ZFHX3: variants seen among roughly 807,000 people sequenced by gnomAD.
The protein encoded by ZFHX3 is zinc finger homeobox 3, also known as zinc finger homeobox protein 3.
ZFHX3 carries 42 observed loss-of-function variants against 279.1 expected under a neutral mutation model. The ratio of observed to expected loss-of-function variants is 0.15; its 90% CI spans 0.12 to 0.19. The LOEUF (loss-of-function observed/expected upper bound fraction) is 0.19, where lower values mean the gene tolerates loss of function less well. Among genes scored for constraint, ZFHX3 ranks in the 10% least tolerant of loss-of-function variants. ZFHX3 has a pLI of 1.00. For synonymous variants in ZFHX3, 2,293 were observed against 1,957.8 expected, an observed-to-expected ratio of 1.17 and a Z score of -4.52; for missense variants, 4,981 against 4,754.0, an observed-to-expected ratio of 1.05 and a Z score of -1.40.
chr16:73,147,499 T>G (rs1357163678), intron 5 of ZFHX3, among the ~76,000 whole-genome samples: 3 of 148,418 alleles, frequency 2.0e-5, no homozygotes, highest in Non-Finnish European at 3.0e-5. Flanking sequence ...GAGACCATCC[T>G]GGCTAACACG....
chr16:72,926,964 G>A (rs1028231203), intron 3 of ZFHX3, among the ~76,000 whole-genome samples: 1 of 152,208 alleles, frequency 6.6e-6, no homozygotes, highest in African/African-American at 2.4e-5. Flanking sequence ...CCAATCAAGA[G>A]GTCAGGAGAC....
rs114944345 is a variant in ZFHX3, at chr16:73,404,697, C to T, written c.-1291+51306G>A. On this transcript the variant is annotated intron_variant, in intron 3 of 17. Coordinates refer to the ZFHX3 transcript ENST00000641206. ...AAAAGGCAAGTACTATTATTATCCC[C>T]GTTTTACGCATAAGGACACCAAGTC... 2.5e-3 allele frequency among the ~76,000 whole-genome samples: 384 copies of T among 152,210 alleles called. 1 individual carries two copies. The highest frequency in any genetic ancestry group is 8.7e-3 in the African/African-American group (363 of 41,516).
In ZFHX3 at chr16:73,623,039, A is replaced by AT. The variant is rs11341882; in HGVS notation, c.-1547+57140dup. On this transcript the variant is annotated intron_variant, in intron 2 of 17. Coordinates refer to the ZFHX3 transcript ENST00000641206. ...TGTAAAATTCAGAAGGGCACATTGT[A>AT]TTTTTTTTTTTTGTTTAGACAGAGT... Among the ~76,000 whole-genome samples the AT allele has an allele frequency of 1.8e-3, 265 of 149,098 alleles. 1 individual carries two copies. The highest frequency in any genetic ancestry group is 8.3e-3 in the South Asian group (39 of 4,672).
chr16:73,278,462 C>A (rs1357018760), intron 4 of ZFHX3, among the ~76,000 whole-genome samples: 1 of 152,156 alleles, frequency 6.6e-6, no homozygotes. Flanking sequence ...CAGGGACCAT[C>A]AAGGTGAGTG....
chr16:73,503,797 T>A (rs957307422), intron 2 of ZFHX3, among the ~76,000 whole-genome samples: 3 of 152,212 alleles, frequency 2.0e-5, no homozygotes, highest in African/African-American at 7.2e-5. Flanking sequence ...TGTCAATGGA[T>A]TCACAATTGG....
chr16:73,592,561 C>T (rs1317429404), intron 2 of ZFHX3, among the ~76,000 whole-genome samples: 2 of 152,002 alleles, frequency 1.3e-5, no homozygotes, highest in Non-Finnish European at 2.9e-5. Flanking sequence ...AAGCAAATGG[C>T]ATGCTGGCTG....
At chr16:72,856,878 A>G (rs2037766666) in intron 4 of ZFHX3, among the ~76,000 whole-genome samples, 2 of 152,172 alleles carry the variant, frequency 1.3e-5, no homozygotes, top group Non-Finnish European at 2.9e-5. Flanking sequence ...ACAGACAGGA[A>G]GATTGATCAG....
intron 5 of ZFHX3, among the ~76,000 whole-genome samples, chr16:73,227,533 G>C (rs2012633438): frequency 6.6e-6 from 1 of 152,042 alleles, no homozygotes; most frequent in Non-Finnish European, 1.5e-5. Flanking sequence ...GGATTACAGA[G>C]AGGTAGGCTT....
intron 2 of ZFHX3, among the ~76,000 whole-genome samples, chr16:73,490,023 T>C (rs1285053648): frequency 1.3e-5 from 2 of 152,246 alleles, no homozygotes; most frequent in Non-Finnish European, 2.9e-5. Flanking sequence ...GTGCCATTTA[T>C]ATAATTGTTA....
intron 2 of ZFHX3, among the ~76,000 whole-genome samples, chr16:73,517,584 G>C (rs1240016274): frequency 1.3e-5 from 2 of 152,210 alleles, no homozygotes; most frequent in Non-Finnish European, 2.9e-5. Flanking sequence ...GAGCAGCAAA[G>C]AGTGAAACCA....
intron 1 of ZFHX3, among the ~76,000 whole-genome samples, chr16:73,862,284 C>T (rs1418078706): frequency 6.6e-6 from 1 of 152,194 alleles, no homozygotes; most frequent in African/African-American, 2.4e-5. Flanking sequence ...CTACCATATC[C>T]TTTAATAAGT....
intron 1 of ZFHX3, among the ~76,000 whole-genome samples, chr16:73,831,597 C>T (rs2142358467): frequency 6.6e-6 from 1 of 152,300 alleles, no homozygotes; most frequent in East Asian, 1.9e-4. Flanking sequence ...CATTCCTTGG[C>T]TTTTTCTCCA....
chr16:73,140,312 C>G (rs2144832171), intron 6 of ZFHX3, among the ~76,000 whole-genome samples: 1 of 152,176 alleles, frequency 6.6e-6, no homozygotes, highest in African/African-American at 2.4e-5. Context: ...GTAAACGAAA[C>G]TAAAACCATC....
chr16:73,439,181 G>A (rs566923080), intron 3 of ZFHX3, among the ~76,000 whole-genome samples: 1 of 152,306 alleles, frequency 6.6e-6, no homozygotes, highest in East Asian at 1.9e-4. Flanking sequence ...AAATCCATCA[G>A]CTGTGTTACT....
intron 1 of ZFHX3, among the ~76,000 whole-genome samples, chr16:73,886,634 C>T (rs1263453084): frequency 6.6e-6 from 1 of 152,110 alleles, no homozygotes; most frequent in Non-Finnish European, 1.5e-5. Flanking sequence ...TGCGTGTGAG[C>T]GACACTGACC....
At chr16:73,591,612 G>C (rs1026696030) in intron 2 of ZFHX3, among the ~76,000 whole-genome samples, 10 of 136,220 alleles carry the variant, frequency 7.3e-5, no homozygotes, top group African/African-American at 2.7e-4. Context: ...AGAATGGTGT[G>C]AACCCGGCAG....
At chr16:73,343,064 T>G (rs914753104) in intron 3 of ZFHX3, among the ~76,000 whole-genome samples, 4 of 152,188 alleles carry the variant, frequency 2.6e-5, no homozygotes, top group Non-Finnish European at 5.9e-5. Context: ...ATTGAACAAA[T>G]GAATGAATAT....
intron 7 of ZFHX3, among the ~76,000 whole-genome samples, chr16:72,803,338 A>G (rs1025356751): frequency 3.3e-5 from 5 of 152,144 alleles, no homozygotes; most frequent in East Asian, 3.9e-4. Flanking sequence ...TCTCCAATCA[A>G]TCAATCAATC....
chr16:73,346,822 G>T (rs2016132987), intron 3 of ZFHX3, among the ~76,000 whole-genome samples: 1 of 152,312 alleles, frequency 6.6e-6, no homozygotes, highest in East Asian at 1.9e-4. Flanking sequence ...TAGCCAAAGA[G>T]ACCTGTGACC....
Sources: gnomAD v4.1 joint callset for allele counts (sites outside exome capture counted in the v4.1 genomes callset) on GRCh38, gnomAD v4.1.1 for gene constraint, MANE v1.5 for transcripts, NCBI Gene and HGNC (gene_info 2026-07-23, HGNC 2026-07-21) for gene names.